Variants in USP34 observed in about 807,000 individuals in gnomAD.
USP34 encodes the protein ubiquitin carboxyl-terminal hydrolase 34.
A neutral mutation model predicts 460.3 loss-of-function variants in USP34; 70 were observed. The observed-to-expected ratio is 0.15, with a 90% CI of 0.13 to 0.19. The LOEUF is 0.19. Among genes scored for constraint, USP34 ranks in the 10% least tolerant of loss-of-function variants. The pLI, the probability that USP34 is intolerant of heterozygous loss-of-function variation, is 1.00. For missense variants in USP34, 3,985 were observed against 4,236.2 expected (o/e 0.94, Z 1.65); for synonymous variants, 1,647 against 1,405.3 (o/e 1.17, Z -3.85).
intron 2 of USP34, among the ~76,000 whole-genome samples, chr2:61,408,600 AAAGT>A (rs563498323): frequency 7.3e-4 from 111 of 152,280 alleles, no homozygotes; most frequent in African/African-American, 2.3e-3. Context: ...AATCAGGTTT[AAAGT>A]AAGAGGTCAG....
chr2:61,435,590 C>T (rs1694791409), intron 1 of USP34, among the ~76,000 whole-genome samples: 1 of 151,978 alleles, frequency 6.6e-6, no homozygotes, highest in South Asian at 2.1e-4. Context: ...ATAAGAAATG[C>T]TCAAGAATTT....
intron 53 of USP34, among the ~76,000 whole-genome samples, chr2:61,237,554 ATTTTTTTTT>A (rs71403400): frequency 1.2e-3 from 56 of 45,154 alleles, no homozygotes; most frequent in South Asian, 5.7e-3. Flanking sequence ...TTTTCTGTGG[ATTTTTTTTT>A]TTTTTTTTTT....
intron 2 of USP34, among the ~76,000 whole-genome samples, chr2:61,416,584 C>G (rs1229336117): frequency 6.6e-6 from 1 of 152,094 alleles, no homozygotes; most frequent in African/African-American, 2.4e-5. Flanking sequence ...AAAATCAACA[C>G]TTAACAACAT....
At chr2:61,212,623 C>T (rs1383394547) in intron 68 of USP34, among the ~76,000 whole-genome samples, 2 of 152,166 alleles carry the variant, frequency 1.3e-5, no homozygotes, top group African/African-American at 4.8e-5. Context: ...CAGGAGAGGA[C>T]TGCTCTTCTA....
intron 41 of USP34, among the ~76,000 whole-genome samples, chr2:61,274,142 C>T (rs112660881): frequency 5.7e-4 from 87 of 152,036 alleles, no homozygotes; most frequent in South Asian, 1.0e-3. Context: ...GTAATGCCAG[C>T]ACTTTGGGAG....
chr2:61,343,689 A>C (rs1338818949), intron 16 of USP34, 126 bp downstream of exon 16: 1 of 960,226 alleles, frequency 1.0e-6, no homozygotes, highest in Non-Finnish European at 1.5e-6. Flanking sequence ...AAACTACCAT[A>C]TGTAAGTTAT....
Position 61,370,622 on chromosome 2 carries a change from A to G in USP34, c.1077-43T>C, listed in dbSNP as rs765173868. Reference sequence around the variant, plus strand: ...AAATAGTACATTAAAAAAAATTGTCATCTTTTCTCATGTCTAAAAGGTAGA... The same window carrying G: ...AAATAGTACATTAAAAAAAATTGTCGTCTTTTCTCATGTCTAAAAGGTAGA... On this transcript the variant is annotated intron_variant, in intron 8 of 79. Transcript: ENST00000398571. 4 of 1,567,840 alleles carry G rather than the reference A, an allele frequency of 2.6e-6. No homozygotes were observed. The Admixed American group carries it at 7.3e-5, about 28-fold the overall frequency.
In USP34 at chr2:61,383,354, AAAC is replaced by A. The variant is rs1215548604; in HGVS notation, c.754-21_754-19del. 6.5e-7 allele frequency: 1 copy of A among 1,545,556 alleles called. No homozygotes were observed. Reference sequence around the variant, plus strand: ...ATTCTAATCTATATAAGAAACATAAAAACAACATTAATGCCTAATATGTGAAAT... The same window carrying A: ...ATTCTAATCTATATAAGAAACATAAAAACATTAATGCCTAATATGTGAAAT... On this transcript the variant is annotated intron_variant, in intron 5 of 79. Coordinates refer to ENST00000398571, the MANE Select transcript of USP34 (RefSeq NM_014709.4).
intron 5 of USP34, among the ~76,000 whole-genome samples, chr2:61,383,825 A>G (rs1009070987): frequency 5.3e-5 from 8 of 152,186 alleles, no homozygotes; most frequent in African/African-American, 1.9e-4. Flanking sequence ...AGAATTACAC[A>G]TGTATCAGGA....
intron 1 of USP34, among the ~76,000 whole-genome samples, chr2:61,440,069 C>A (rs1345001131): frequency 1.3e-5 from 2 of 152,106 alleles, no homozygotes; most frequent in Non-Finnish European, 2.9e-5. Flanking sequence ...TTCTCCTCCC[C>A]GGTTCTGAGG....
chr2:61,220,816 G>A (rs1687557990), intron 66 of USP34, among the ~76,000 whole-genome samples: 1 of 152,112 alleles, frequency 6.6e-6, no homozygotes, highest in African/African-American at 2.4e-5. Flanking sequence ...GCCCAACCTG[G>A]TACTAAGTGA....
intron 1 of USP34, among the ~76,000 whole-genome samples, chr2:61,437,650 G>A (rs958286630): frequency 6.6e-6 from 1 of 152,014 alleles, no homozygotes; most frequent in Non-Finnish European, 1.5e-5. Flanking sequence ...GCAGGCACCT[G>A]CAGTCCCAGC....
At chr2:61,273,094 AAT>A (rs1190281546) in intron 41 of USP34, among the ~76,000 whole-genome samples, 1 of 152,222 alleles carries the variant, frequency 6.6e-6, no homozygotes, top group African/African-American at 2.4e-5. Context: ...AAACATAAGC[AAT>A]GATTCCATAT....
At chr2:61,349,392 A>T (rs1383593236) in intron 12 of USP34, 107 bp from the exon 13 acceptor site, 1 of 1,156,474 alleles carries the variant, frequency 8.6e-7, no homozygotes, top group African/African-American at 1.6e-5. Context: ...GTAAGTGGAG[A>T]AACCTGCAAT....
chr2:61,348,356 T>C lies in USP34; in HGVS notation c.1799A>G (p.Gln600Arg), dbSNP rs749229768. 26 of 1,614,032 alleles carry C rather than the reference T, an allele frequency of 1.6e-5. No individual in the cohort carries two copies. The highest frequency in any genetic ancestry group is 2.2e-5 in the Non-Finnish European group (26 of 1,180,046). Residue 600 changes from glutamine (Q) to arginine (R), a missense_variant, in exon 15 of 80, where the codon CAG becomes CGG. Coordinates refer to ENST00000398571, the MANE Select transcript of USP34 (RefSeq NM_014709.4). ...CTCACTGCCAGGGCTCCCAGCTGAC[T>C]GGCTTGCGTGGCTAGAATTAACCTC... ...SNEVNSSHAS[Q>R]SAGSPGSEVQ...
chr2:61,327,644 G>A lies in USP34; in HGVS notation c.2931-2187C>T, dbSNP rs192696570. Among the ~76,000 whole-genome samples, 576 of 152,242 alleles carry A rather than the reference G, an allele frequency of 3.8e-3. 1 individual carries two copies. Among genetic ancestry groups the A allele is most frequent in the Non-Finnish European group, 6.7e-3 (455 of 68,018 alleles). On this transcript the variant is annotated intron_variant, in intron 20 of 79. Coordinates refer to ENST00000398571, the MANE Select transcript of USP34 (RefSeq NM_014709.4). ...AATTCTTCCCCTATACTTGCATCTC[G>A]GAATAAGGGACTAATAACCCTGAAG...
At position 61,311,802 on chromosome 2, in the gene USP34, T is replaced by C; in HGVS notation, c.3651A>G (p.Pro1217=). The part of the protein sequence containing the change: ...QSLPLRVVCQ[P]AGLPDKMTIE... ...TAAGTACCTTGTCAGGAAGTCCAGC[T>C]GGCTGGCATACAACCCTTAGCGGCA... Residue 1217 remains proline (P), a synonymous_variant, in exon 26 of 80, where the codon CCA becomes CCG. Coordinates refer to ENST00000398571, the MANE Select transcript of USP34 (RefSeq NM_014709.4). 1.9e-6 allele frequency: 3 copies of C among 1,614,002 alleles called. No individual in the cohort carries two copies. Among genetic ancestry groups the C allele is most frequent in the Non-Finnish European group, 8.5e-7 (1 of 1,179,944 alleles).
In USP34 at chr2:61,348,755, C is replaced by A; in HGVS notation, c.1674+1G>T. Reference sequence around the variant, plus strand: ...AAAAGAAGAAAAACCTATTTTCATACCTCTGTGTCTGAAAGTCGTTGTTGC... The same window carrying A: ...AAAAGAAGAAAAACCTATTTTCATAACTCTGTGTCTGAAAGTCGTTGTTGC... On this transcript the variant is annotated splice_donor_variant, in intron 14 of 79. Coordinates refer to ENST00000398571, the MANE Select transcript of USP34 (RefSeq NM_014709.4). LOFTEE classifies it high-confidence loss of function. 6.2e-7 allele frequency: 1 copy of A among 1,609,336 alleles called. No homozygotes were observed.
intron 34 of USP34, among the ~76,000 whole-genome samples, chr2:61,287,772 TAGC>T (rs1558510958): frequency 6.6e-6 from 1 of 152,256 alleles, no homozygotes; most frequent in African/African-American, 2.4e-5. Flanking sequence ...TTCTGGTTAA[TAGC>T]AGGCTATCAG....
Sources: gnomAD v4.1 joint callset for allele counts (sites outside exome capture counted in the v4.1 genomes callset) on GRCh38, gnomAD v4.1.1 for gene constraint, MANE v1.5 for transcripts, NCBI Gene and HGNC (gene_info 2026-07-23, HGNC 2026-07-21) for gene names.